The following PHACTR3 variants were observed in gnomAD, a reference collection of about 807,000 sequenced individuals.
PHACTR3 encodes the protein protein phosphatase 1, regulatory subunit 123.
PHACTR3 carries 16 observed loss-of-function variants against 66.8 expected under a neutral mutation model. The observed-to-expected ratio is 0.24, with a 90% confidence interval of 0.16 to 0.36. The LOEUF (loss-of-function observed/expected upper bound fraction) is 0.36, where lower values mean the gene tolerates loss of function less well. Among genes scored for constraint, PHACTR3 ranks in the 10% least tolerant of loss-of-function variants. The pLI is 1.00. For synonymous variants in PHACTR3, 323 were observed against 292.1 expected, an observed-to-expected ratio of 1.11 and a Z score of -1.08; for missense variants, 647 against 719.9, an observed-to-expected ratio of 0.90 and a Z score of 1.16.
chr20:59,730,224 A>G (rs758966599), intron 1 of PHACTR3, among the ~76,000 whole-genome samples: 12 of 152,200 alleles, frequency 7.9e-5, no homozygotes, highest in South Asian at 2.1e-4. Context: ...GCTGAAGGCC[A>G]TGGTGGAAAA....
intron 7 of PHACTR3, among the ~76,000 whole-genome samples, chr20:59,780,072 G>C (rs553577041): frequency 2.0e-5 from 3 of 152,320 alleles, no homozygotes; most frequent in Admixed American, 6.5e-5. Context: ...CACGTGATGA[G>C]GGGGAGCGAG....
rs866787844 is a variant in PHACTR3, at chr20:59,755,387, A to G, written c.541+23A>G. The G allele has an allele frequency of 1.6e-5, 26 of 1,609,212 alleles. 1 individual carries two copies. The Middle Eastern group carries it at 4.1e-3, about 256-fold the overall frequency. Reference sequence around the variant, plus strand: ...CAGGTACTGGCTGGAGACCACGCGAAGTTGAGCTGCTCCTAGAATGGCCAT... The same window carrying G: ...CAGGTACTGGCTGGAGACCACGCGAGGTTGAGCTGCTCCTAGAATGGCCAT... On this transcript the variant is annotated intron_variant, in intron 4 of 12. Transcript: ENST00000371015.
At chr20:59,682,780 G>T (rs953084783) in intron 1 of PHACTR3, among the ~76,000 whole-genome samples, 1 of 152,170 alleles carries the variant, frequency 6.6e-6, no homozygotes, top group African/African-American at 2.4e-5. Context: ...AGCCGGCCTG[G>T]TGGGTTCCAG....
intron 1 of PHACTR3, among the ~76,000 whole-genome samples, chr20:59,641,478 G>A (rs888937953): frequency 1.6e-4 from 25 of 152,198 alleles, no homozygotes; most frequent in Non-Finnish European, 1.0e-4. Context: ...TGATGATTCA[G>A]CTCGAAGACA....
At chr20:59,746,353 C>T (rs1173435550) in intron 2 of PHACTR3, among the ~76,000 whole-genome samples, 1 of 152,364 alleles carries the variant, frequency 6.6e-6, no homozygotes, top group Admixed American at 6.5e-5. Flanking sequence ...ATCTGTCCTC[C>T]CACCTGTGCT....
chr20:59,642,940 C>G (rs926997563), intron 1 of PHACTR3, among the ~76,000 whole-genome samples: 1 of 152,118 alleles, frequency 6.6e-6, no homozygotes, highest in Admixed American at 6.5e-5. Flanking sequence ...GAGACAGAGT[C>G]TCACTCTGTC....
chr20:59,644,728 G>T (rs545374947), intron 1 of PHACTR3, among the ~76,000 whole-genome samples: 1 of 152,330 alleles, frequency 6.6e-6, no homozygotes, highest in African/African-American at 2.4e-5. Flanking sequence ...ACCTCCTGGG[G>T]GCTCTCCCTG....
intron 4 of PHACTR3, among the ~76,000 whole-genome samples, chr20:59,756,387 G>A (rs186383425): frequency 2.6e-5 from 4 of 152,326 alleles, no homozygotes; most frequent in Non-Finnish European, 5.9e-5. Context: ...GCTTCAGAGC[G>A]GGTGGACACC....
chr20:59,740,672 T>TA (rs2146757123), intron 1 of PHACTR3, among the ~76,000 whole-genome samples: 2 of 152,306 alleles, frequency 1.3e-5, no homozygotes, highest in Admixed American at 1.3e-4. Flanking sequence ...CATCTTTTTT[T>TA]TTTATCAACA....
intron 7 of PHACTR3, among the ~76,000 whole-genome samples, chr20:59,788,773 C>T (rs1040513815): frequency 2.6e-5 from 4 of 152,136 alleles, no homozygotes; most frequent in Admixed American, 6.5e-5. Context: ...CCGGGAAACC[C>T]GCTCAACTTC....
intron 11 of PHACTR3, chr20:59,844,975 C>T (rs1241689558): frequency 5.1e-6 from 2 of 395,478 alleles, no homozygotes; most frequent in Admixed American, 4.3e-5. Flanking sequence ...AAAATTTTTA[C>T]AAAGACTTCC....
At chr20:59,743,652 C>A (rs545836467) in intron 2 of PHACTR3, among the ~76,000 whole-genome samples, 14 of 152,352 alleles carry the variant, frequency 9.2e-5, no homozygotes, top group African/African-American at 3.4e-4. Flanking sequence ...GCCCCCAGCC[C>A]ACGCGACTCC....
At chr20:59,691,733 T>A (rs1238625253) in intron 1 of PHACTR3, among the ~76,000 whole-genome samples, 1 of 152,238 alleles carries the variant, frequency 6.6e-6, no homozygotes, top group Non-Finnish European at 1.5e-5. Context: ...AGAATTTTAA[T>A]CCTGGAAGGA....
At chr20:59,783,669 T>C (rs6027099) in intron 7 of PHACTR3, among the ~76,000 whole-genome samples, 21,075 of 152,208 alleles carry the variant, frequency 0.14, 3,033 homozygotes, top group East Asian at 0.41. Flanking sequence ...GACTGTAGCC[T>C]ACTGTTCGTC....
intron 1 of PHACTR3, among the ~76,000 whole-genome samples, chr20:59,608,838 A>C (rs1182168002): frequency 6.6e-6 from 1 of 151,690 alleles, no homozygotes; most frequent in Non-Finnish European, 1.5e-5. Context: ...TGCTCCTGGC[A>C]CTCTTCAACA....
Position 59,767,346 on chromosome 20 carries a change from G to T in PHACTR3, c.702G>T (p.Leu234=), listed in dbSNP as rs1291134633. Residue 234 remains leucine, a synonymous_variant, in exon 5 of 13, where the codon CTG becomes CTT. Coordinates refer to ENST00000371015, the MANE Select transcript of PHACTR3 (RefSeq NM_080672.5). Reference sequence around the variant, plus strand: ...GCCAGCTCCCCAGCCCCCCACTGCTGCCCACTCCGCCACCCAAGGCAAGCT... The same window carrying T: ...GCCAGCTCCCCAGCCCCCCACTGCTTCCCACTCCGCCACCCAAGGCAAGCT... The part of the protein sequence containing the change: ...SVGQLPSPPL[L]PTPPPKASSK... The T allele has an allele frequency of 6.2e-6, 10 of 1,613,970 alleles. No homozygotes were observed. Among genetic ancestry groups the T allele is most frequent in the Admixed American group, 3.3e-5 (2 of 60,006 alleles).
intron 7 of PHACTR3, among the ~76,000 whole-genome samples, chr20:59,786,047 C>T (rs984949611): frequency 3.3e-5 from 5 of 152,242 alleles, no homozygotes; most frequent in African/African-American, 1.2e-4. Context: ...GTCAGAATAT[C>T]CTTCCCCTGT....
chr20:59,812,268 G>A (rs1400350300), intron 8 of PHACTR3, among the ~76,000 whole-genome samples: 1 of 152,244 alleles, frequency 6.6e-6, no homozygotes, highest in East Asian at 1.9e-4. Flanking sequence ...AGGAACGTGT[G>A]TGAGAAGCTG....
intron 8 of PHACTR3, among the ~76,000 whole-genome samples, chr20:59,817,349 T>C (rs891668031): frequency 4.6e-5 from 7 of 152,236 alleles, no homozygotes; most frequent in African/African-American, 1.7e-4. Flanking sequence ...GGGCTATTTC[T>C]GAGCTGCAGG....
Sources: allele counts gnomAD v4.1 joint callset (sites outside exome capture counted in the v4.1 genomes callset), GRCh38; gene constraint gnomAD v4.1.1; transcripts MANE v1.5; gene names NCBI Gene and HGNC (gene_info 2026-07-23, HGNC 2026-07-21).